Variants in CCDC15 observed in about 807,000 individuals in gnomAD.
CCDC15 encodes the protein coiled-coil domain containing 15.
CCDC15 carries 105 observed loss-of-function variants against 114.5 expected under a neutral mutation model. The ratio of observed to expected loss-of-function variants is 0.92; its 90% CI spans 0.78 to 1.08. CCDC15 has a LOEUF of 1.08. CCDC15 is among the 50% of genes least tolerant of loss of function. The pLI, the probability that CCDC15 is intolerant of heterozygous loss-of-function variation, is 0.00. For missense variants in CCDC15, 1,105 were observed against 1,093.6 expected, an observed-to-expected ratio of 1.01 and a Z score of -0.15; for synonymous variants, 334 against 377.8, an observed-to-expected ratio of 0.88 and a Z score of 1.34.
At chr11:124,955,811 T>G (rs988861403) in intron 2 of CCDC15, among the ~76,000 whole-genome samples, 7 of 152,212 alleles carry the variant, frequency 4.6e-5, no homozygotes, top group Non-Finnish European at 8.8e-5. Context: ...GTATGTATAT[T>G]CATTGATTTA....
At chr11:125,009,604 CAGAT>C (rs529838008) in intron 13 of CCDC15, among the ~76,000 whole-genome samples, 141 of 152,250 alleles carry the variant, frequency 9.3e-4, no homozygotes, top group Middle Eastern at 3.4e-3. Context: ...TCCTGTCACT[CAGAT>C]AGTAAGTATA....
intron 4 of CCDC15, among the ~76,000 whole-genome samples, chr11:124,962,992 T>A (rs1238559806): frequency 2.6e-5 from 4 of 152,272 alleles, no homozygotes; most frequent in Non-Finnish European, 4.4e-5. Flanking sequence ...TCCTTTTTTA[T>A]GGCTGCATAG....
At chr11:125,029,421 C>T (rs537378519) in intron 13 of CCDC15, among the ~76,000 whole-genome samples, 15 of 152,228 alleles carry the variant, frequency 9.9e-5, no homozygotes, top group East Asian at 1.9e-4. Flanking sequence ...CAACCGGAAA[C>T]GCACAAATCC....
chr11:125,016,589 C>G (rs1435227853), intron 13 of CCDC15, among the ~76,000 whole-genome samples: 7 of 152,136 alleles, frequency 4.6e-5, no homozygotes, highest in African/African-American at 1.2e-4. Context: ...TTATGATAGC[C>G]TAATCTTTTA....
At chr11:124,997,552 G>C (rs1948394084) in intron 11 of CCDC15, among the ~76,000 whole-genome samples, 1 of 152,200 alleles carries the variant, frequency 6.6e-6, no homozygotes, top group African/African-American at 2.4e-5. Flanking sequence ...GCCTCCCAAA[G>C]TGTTAGGATT....
At chr11:124,988,176 C>G in intron 8 of CCDC15, 42 bp downstream of exon 8, 1 of 1,561,184 alleles carries the variant, frequency 6.4e-7, no homozygotes. Flanking sequence ...AAGAAATAAG[C>G]TACTTAGGGT....
rs541672797 is a variant in CCDC15, at chr11:124,959,675, A to AATGTTAGTTTCTCTGCCAGCTAAAG, written c.328-139_328-115dup. ...ATTAGCACATGGGAGGTGCCTGGTAAATGTTAGTTTCTCTGCCAGCTAAAG... is the reference window on the plus strand; with the variant it reads ...ATTAGCACATGGGAGGTGCCTGGTAAATGTTAGTTTCTCTGCCAGCTAAAGATGTTAGTTTCTCTGCCAGCTAAAG... On this transcript the variant is annotated intron_variant, in intron 3 of 15. Transcript: ENST00000344762. The AATGTTAGTTTCTCTGCCAGCTAAAG allele has an allele frequency of 4.8e-3, 2,869 of 602,904 alleles. 23 individuals carry two copies. The highest frequency in any genetic ancestry group is 5.1e-3 in the Non-Finnish European group (1,825 of 358,498). 37.3% of individuals were successfully genotyped at this position (602,904 alleles called of 1,614,324 possible). A position where few individuals can be genotyped will look rare whatever the true frequency, so the allele number is the denominator to read the frequency against.
intron 12 of CCDC15, among the ~76,000 whole-genome samples, chr11:125,004,541 T>C (rs188971360): frequency 2.0e-4 from 31 of 152,174 alleles, no homozygotes; most frequent in African/African-American, 7.5e-4. Flanking sequence ...ACATGCTTTT[T>C]GCTCATCGAA....
At chr11:124,961,405 T>C (rs1947655030) in intron 4 of CCDC15, among the ~76,000 whole-genome samples, 2 of 152,256 alleles carry the variant, frequency 1.3e-5, no homozygotes, top group South Asian at 2.1e-4. Flanking sequence ...AGAGATTTTC[T>C]GTGTTTTGCA....
chr11:125,009,972 C>T (rs556900297), intron 13 of CCDC15, among the ~76,000 whole-genome samples: 5 of 152,238 alleles, frequency 3.3e-5, no homozygotes, highest in South Asian at 2.1e-4. Context: ...CATATGAATG[C>T]GTGTGCCTTT....
Position 124,992,586 on chromosome 11 carries a change from G to A in CCDC15, c.2038G>A (p.Ala680Thr). 1 of 1,581,448 alleles carries A rather than the reference G, an allele frequency of 6.3e-7. No individual in the cohort carries two copies. Residue 680 changes from alanine (A) to threonine (T), a missense_variant, in exon 10 of 16, where the codon GCA (alanine) becomes ACA (threonine). Ala to Thr is a moderately conservative substitution (Grantham distance 58, BLOSUM62 0). Transcript: ENST00000344762. ...TTAAAATATGTTTCTCAAGCAACCT[G>A]CATCTTTTATGAGAGAAGAAAGAGT... is the stretch of plus-strand genomic sequence containing the variant. ...DQDDIKNQQP[A>T]SFMREERVRE...
intron 4 of CCDC15, among the ~76,000 whole-genome samples, chr11:124,971,878 T>C (rs527308865): frequency 2.4e-3 from 360 of 152,304 alleles, no homozygotes; most frequent in Non-Finnish European, 4.1e-3. Flanking sequence ...GCATTTTTTA[T>C]TGATTTACCA....
At chr11:124,964,270 A>G (rs1947726722) in intron 4 of CCDC15, among the ~76,000 whole-genome samples, 2 of 152,162 alleles carry the variant, frequency 1.3e-5, no homozygotes, top group African/African-American at 2.4e-5. Flanking sequence ...CTTCCTGTCC[A>G]TGAGCATGGA....
At chr11:124,995,827 C>G (rs1200123873) in intron 11 of CCDC15, among the ~76,000 whole-genome samples, 1 of 151,628 alleles carries the variant, frequency 6.6e-6, no homozygotes, top group Non-Finnish European at 1.5e-5. Flanking sequence ...CCTGGAATAG[C>G]CTTTTCTCCT....
At chr11:125,018,493 C>A in intron 13 of CCDC15, among the ~76,000 whole-genome samples, 1 of 151,766 alleles carries the variant, frequency 6.6e-6, no homozygotes, top group East Asian at 1.9e-4. Flanking sequence ...ATTATAATAC[C>A]GTATATTTAG....
At chr11:124,958,356 G>GT (rs1221163101) in intron 2 of CCDC15, among the ~76,000 whole-genome samples, 1 of 145,040 alleles carries the variant, frequency 6.9e-6, no homozygotes, top group Non-Finnish European at 1.5e-5. Flanking sequence ...AACACTATGA[G>GT]TTTTTTTGTG....
Position 124,987,494 on chromosome 11 carries a change from A to T in CCDC15, c.1268A>T (p.Asn423Ile), listed in dbSNP as rs373713193. The change falls in exon 8 of 16, where the codon AAC (asparagine) becomes ATC (isoleucine). Residue 423 changes from asparagine (N) to isoleucine (I), a missense_variant. Transcript: ENST00000344762. ...LPTNQALLTK[N>I]QDVLLKDHCV... ...ACAAATCAGGCTCTTCTAACGAAAA[A>T]CCAGGATGTTTTACTCAAAGACCAC... is the stretch of plus-strand genomic sequence containing the variant. 33 of 1,614,020 alleles carry T rather than the reference A, an allele frequency of 2.0e-5. No homozygotes were observed. In the African/African-American group the frequency reaches 4.3e-4, roughly 21 times the overall value.
chr11:124,988,413 A>G (rs1948213127), intron 8 of CCDC15, among the ~76,000 whole-genome samples: 1 of 152,252 alleles, frequency 6.6e-6, no homozygotes, highest in African/African-American at 2.4e-5. Context: ...TTATTGCTAA[A>G]AAATGCTTAC....
In CCDC15 at chr11:124,959,204, C is replaced by A; in HGVS notation, c.267C>A (p.Tyr89Ter). 1.3e-6 allele frequency: 2 copies of A among 1,588,366 alleles called. No individual in the cohort carries two copies. The highest frequency in any genetic ancestry group is 8.5e-7 in the Non-Finnish European group (1 of 1,170,110). The change falls in exon 3 of 16, where the codon TAC becomes TAA. Residue 89 changes from tyrosine (Y) to a stop codon, truncating the protein, a stop_gained. Coordinates refer to ENST00000344762, the MANE Select transcript of CCDC15 (RefSeq NM_025004.3). LOFTEE classifies it high-confidence loss of function. The stretch of plus-strand genomic sequence containing the variant: ...AACATTTTCAGAAACAAGTTAAATA[C>A]CGAGTAAATCAACAAATTAGGTTGA... Reference protein sequence around the residue: ...ALKHFQKQVKYRVNQQIRLRK... With the variant: ...ALKHFQKQVK
Sources: gnomAD v4.1 joint callset for allele counts (sites outside exome capture counted in the v4.1 genomes callset) on GRCh38, gnomAD v4.1.1 for gene constraint, MANE v1.5 for transcripts, NCBI Gene and HGNC (gene_info 2026-07-23, HGNC 2026-07-21) for gene names.